TESK2: variants seen among roughly 807,000 people sequenced by gnomAD.
The protein encoded by TESK2 is testis associated actin remodelling kinase 2.
TESK2 carries 39 observed loss-of-function variants against 57.1 expected under a neutral mutation model. The ratio of observed to expected loss-of-function variants is 0.68; its 90% CI spans 0.53 to 0.89. The LOEUF (loss-of-function observed/expected upper bound fraction) is 0.89, where lower values mean the gene tolerates loss of function less well. Ranked by LOEUF, TESK2 falls within the 40% of genes least tolerant of loss-of-function variation. TESK2 has a pLI of 0.00. For missense variants in TESK2, 646 were observed against 732.1 expected (o/e 0.88, Z 1.36); for synonymous variants, 249 against 267.9 (o/e 0.93, Z 0.69).
At chr1:45,348,058 A>G (rs558871027) in intron 5 of TESK2, 58 bp from the exon 6 acceptor site, 3 of 1,182,036 alleles carry the variant, frequency 2.5e-6, no homozygotes, top group Non-Finnish European at 3.8e-6. Context: ...GATCAGCCAT[A>G]GAGTTACCAC....
chr1:45,449,522 T>C (rs933308603), intron 2 of TESK2, among the ~76,000 whole-genome samples: 1 of 152,180 alleles, frequency 6.6e-6, no homozygotes, highest in African/African-American at 2.4e-5. Flanking sequence ...TAAACAGGAA[T>C]GAGCTATTAA....
At chr1:45,375,423 CTT>C (rs34730448) in intron 4 of TESK2, among the ~76,000 whole-genome samples, 14 of 135,488 alleles carry the variant, frequency 1.0e-4, no homozygotes, top group Middle Eastern at 3.9e-3. Context: ...TTCCTTCACC[CTT>C]TTTTTTTTTT....
intron 4 of TESK2, among the ~76,000 whole-genome samples, chr1:45,369,372 G>A (rs980500407): frequency 2.1e-4 from 32 of 151,922 alleles, no homozygotes; most frequent in African/African-American, 7.7e-4. Context: ...ATGGTGGTGG[G>A]CACCTGTAAT....
intron 2 of TESK2, among the ~76,000 whole-genome samples, chr1:45,429,634 A>G (rs574528257): frequency 6.8e-4 from 104 of 152,292 alleles, no homozygotes; most frequent in Admixed American, 1.2e-3. Context: ...AACAGACGAG[A>G]CTAAAAATGA....
intron 3 of TESK2, among the ~76,000 whole-genome samples, chr1:45,407,749 C>T (rs1385031420): frequency 1.3e-5 from 2 of 152,186 alleles, no homozygotes; most frequent in East Asian, 1.9e-4. Flanking sequence ...GCCTCCCCAG[C>T]CACGTGGAAC....
chr1:45,432,239 T>C (rs1650996456), intron 2 of TESK2, among the ~76,000 whole-genome samples: 1 of 151,912 alleles, frequency 6.6e-6, no homozygotes, highest in South Asian at 2.1e-4. Flanking sequence ...TCCCAGCTAC[T>C]TAGGAAGTAG....
intron 1 of TESK2, among the ~76,000 whole-genome samples, chr1:45,484,987 C>T (rs1228602989): frequency 1.3e-5 from 2 of 151,072 alleles, no homozygotes; most frequent in African/African-American, 2.4e-5. Flanking sequence ...GCCGAGATCG[C>T]GCCACTGCAC....
At chr1:45,405,882 AT>A (rs1284879702) in intron 3 of TESK2, among the ~76,000 whole-genome samples, 2 of 150,886 alleles carry the variant, frequency 1.3e-5, no homozygotes, top group Non-Finnish European at 3.0e-5. Flanking sequence ...TCAAAAAAAA[AT>A]CTCTATTTTT....
intron 4 of TESK2, among the ~76,000 whole-genome samples, chr1:45,377,204 A>T (rs547324972): frequency 6.6e-6 from 1 of 152,056 alleles, no homozygotes; most frequent in African/African-American, 2.4e-5. Context: ...TAGGTGACAG[A>T]GCAGCAAGAC....
Position 45,421,751 on chromosome 1 carries a change from A to T in TESK2, c.318T>A (p.Asn106Lys), listed in dbSNP as rs368627237. 1.9e-6 allele frequency: 3 copies of T among 1,613,994 alleles called. No individual in the cohort carries two copies. The highest frequency in any genetic ancestry group is 1.1e-5 in the South Asian group (1 of 91,088). The change falls in exon 3 of 11, where the codon AAT becomes AAA. Residue 106 changes from asparagine to lysine, a missense_variant. Transcript: ENST00000372086. ...TAAGGATGTTGGGATGGGAGAGTCT[A>T]TTCATGAGCTGTACTTCTTTCAGCA... is the stretch of plus-strand genomic sequence containing the variant. ...ANMLKEVQLM[N>K]RLSHPNILRF... is the part of the protein sequence containing the mutation.
intron 2 of TESK2, among the ~76,000 whole-genome samples, chr1:45,454,103 C>T (rs938010781): frequency 5.9e-5 from 9 of 152,106 alleles, no homozygotes; most frequent in African/African-American, 2.2e-4. Context: ...GGAAAACAGT[C>T]TGGTGGGTCC....
chr1:45,400,748 A>T (rs1317111129), intron 3 of TESK2, among the ~76,000 whole-genome samples: 2 of 152,068 alleles, frequency 1.3e-5, no homozygotes, highest in Non-Finnish European at 2.9e-5. Context: ...AGAGCCAGGC[A>T]TGGTGGCTCA....
chr1:45,451,497 T>C (rs1272317142), intron 2 of TESK2, among the ~76,000 whole-genome samples: 1 of 152,190 alleles, frequency 6.6e-6, no homozygotes, highest in Non-Finnish European at 1.5e-5. Context: ...GCAGCATTCC[T>C]AGCCACATGC....
chr1:45,399,562 G>A (rs950543158), intron 3 of TESK2, among the ~76,000 whole-genome samples: 10 of 152,110 alleles, frequency 6.6e-5, no homozygotes, highest in African/African-American at 1.2e-4. Context: ...TAATCCGCCC[G>A]CCTTGGCCTC....
intron 1 of TESK2, among the ~76,000 whole-genome samples, chr1:45,472,599 G>A (rs1204779270): frequency 6.6e-6 from 1 of 151,004 alleles, no homozygotes; most frequent in Non-Finnish European, 1.5e-5. Context: ...GACATATGAG[G>A]TACAAGAGGT....
Position 45,470,720 on chromosome 1 carries a change from T to A in TESK2, c.-86-12849A>T, listed in dbSNP as rs1557586085. Among the ~76,000 whole-genome samples the A allele has an allele frequency of 2.6e-5, 4 of 152,182 alleles. No homozygotes were observed. The South Asian group carries it at 8.3e-4, about 31-fold the overall frequency. On this transcript the variant is annotated intron_variant, in intron 1 of 10. Transcript: ENST00000372086. ...TAGACCAATTCAGGAATCCCCTCTATTAGCTGACTCAAATGTTAATTGGGT... is the reference window on the plus strand; with the variant it reads ...TAGACCAATTCAGGAATCCCCTCTAATAGCTGACTCAAATGTTAATTGGGT...
intron 4 of TESK2, among the ~76,000 whole-genome samples, chr1:45,357,565 A>G (rs56328440): frequency 0.065 from 9,725 of 150,524 alleles, 1,104 homozygotes; most frequent in African/African-American, 0.22. Context: ...TTAGTAAAAA[A>G]AAAAAAAAAG....
chr1:45,344,452 C>G lies in TESK2; in HGVS notation c.*388G>C, dbSNP rs1002914081. ...CTCTTGATCAGCTCCATGTTCCACT[C>G]AGTAGCTTATATGCCCCAAGAAAAG... On this transcript the variant is annotated 3_prime_UTR_variant, in exon 11 of 11. Coordinates refer to ENST00000372086, the MANE Select transcript of TESK2 (RefSeq NM_007170.3). The G allele has an allele frequency of 4.7e-6, 1 of 212,722 alleles. No individual in the cohort carries two copies. Among genetic ancestry groups the G allele is most frequent in the South Asian group, 8.8e-5 (1 of 11,362 alleles). The allele number at this position is 212,722 out of a possible 1,614,324, so 13.2% of individuals were successfully genotyped here.
chr1:45,435,698 G>A (rs2036021), intron 2 of TESK2, among the ~76,000 whole-genome samples: 64,133 of 146,856 alleles, frequency 0.44, 15,120 homozygotes, highest in East Asian at 0.55. Context: ...TTTGTAGTTT[G>A]GGGTTTTACA....
Sources: allele counts gnomAD v4.1 joint callset (sites outside exome capture counted in the v4.1 genomes callset), GRCh38; gene constraint gnomAD v4.1.1; transcripts MANE v1.5; gene names NCBI Gene and HGNC (gene_info 2026-07-23, HGNC 2026-07-21).